Variants in HAP1 observed in about 807,000 individuals in gnomAD.
The protein encoded by HAP1 is huntingtin-associated protein 1.
In HAP1, 59 loss-of-function variants were observed where a neutral mutation model predicts 60.3. The observed-to-expected ratio is 0.98, with a 90% CI of 0.79 to 1.22. The LOEUF (loss-of-function observed/expected upper bound fraction) is 1.22. HAP1 is among the 50% of genes most tolerant of loss of function. HAP1 has a pLI of 0.00. For synonymous variants in HAP1, 346 were observed against 330.6 expected, an observed-to-expected ratio of 1.05 and a Z score of -0.50; for missense variants, 825 against 785.3, an observed-to-expected ratio of 1.05 and a Z score of -0.60.
rs782324469 is a variant in HAP1 at position 41,731,577 on chromosome 17, G to A, written c.1003-18C>T. 270 of 1,608,060 alleles carry A rather than the reference G, an allele frequency of 1.7e-4. No individual in the cohort carries two copies. Among genetic ancestry groups the A allele is most frequent in the Middle Eastern group, 8.2e-4 (5 of 6,072 alleles). On this transcript the variant is annotated intron_variant, in intron 5 of 10. Transcript: ENST00000347901. ...TGAGAGGCCTGGAGGGAGACAAAGA[G>A]GAAGGGACAGGGAAGTCAACACCCC... is the stretch of plus-strand genomic sequence containing the variant.
At chr17:41,719,855 A>C (rs183986715), downstream of HAP1, among the ~76,000 whole-genome samples, 59 of 152,088 alleles carry the variant, frequency 3.9e-4, no homozygotes, top group East Asian at 0.011. Flanking sequence ...AAACCAAAAA[A>C]ATAATAAAAA....
In HAP1 at chr17:41,734,611, C is replaced by G. The variant is rs912345753; in HGVS notation, c.24G>C (p.Arg8=). Residue 8 remains arginine (R), a synonymous_variant, in exon 1 of 11, where the codon CGG becomes CGC. Coordinates refer to ENST00000347901, the MANE Select transcript of HAP1 (RefSeq NM_177977.3). Reference sequence around the variant, plus strand: ...GTCCGAGCCGGCTCCCCGCGCAGCACCGGCCCAACCTCTTCGGGCGCATCT... The same window carrying G: ...GTCCGAGCCGGCTCCCCGCGCAGCAGCGGCCCAACCTCTTCGGGCGCATCT... MRPKRLG[R]CCAGSRLGPG... is the part of the protein sequence containing the mutation. 2 of 1,553,706 alleles carry G rather than the reference C, an allele frequency of 1.3e-6. No individual in the cohort carries two copies. The highest frequency in any genetic ancestry group is 1.4e-5 in the African/African-American group (1 of 73,832).
Position 41,734,209 on chromosome 17 carries a change from C to T in HAP1, c.426G>A (p.Val142=), listed in dbSNP as rs1912502873. The change falls in exon 1 of 11, where the codon GTG becomes GTA. Residue 142 remains valine, a synonymous_variant. Coordinates refer to ENST00000347901, the MANE Select transcript of HAP1 (RefSeq NM_177977.3). Reference sequence around the variant, plus strand: ...TAAAGGCGGCGCGCTCAGGGCCGGACACCCCGGGTCGCCGGCCAACGTAGG... The same window carrying T: ...TAAAGGCGGCGCGCTCAGGGCCGGATACCCCGGGTCGCCGGCCAACGTAGG... ...PAAYVGRRPG[V]SGPERAAFIR... 1 of 1,597,606 alleles carries T rather than the reference C, an allele frequency of 6.3e-7. No homozygotes were observed. The highest frequency in any genetic ancestry group is 8.6e-7 in the Non-Finnish European group (1 of 1,168,222).
intron 9 of HAP1, 71 bp from the exon 10 acceptor site, chr17:41,725,968 G>T: frequency 8.5e-7 from 1 of 1,172,646 alleles, no homozygotes; most frequent in Non-Finnish European, 1.3e-6. Flanking sequence ...GCTTGGTCAA[G>T]CTGAAGAACC....
chr17:41,728,417 C>A, intron 6 of HAP1, 86 bp from the exon 7 acceptor site: 6 of 1,294,422 alleles, frequency 4.6e-6, no homozygotes, highest in South Asian at 1.3e-5. Context: ...CTGTCTCCCC[C>A]ACCCTCGGCT....
At position 41,730,109 on chromosome 17, in the gene HAP1, A is replaced by AAAG. The variant is rs59618565; in HGVS notation, c.1069+1383_1069+1384insCTT. ...AAAAGAAAAGAAAAGAAAAGAAAAGAAAAGAAAGAAAGAAAGAAAAAATGA... is the reference window on the plus strand; with the variant it reads ...AAAAGAAAAGAAAAGAAAAGAAAAGAAAGAAAGAAAGAAAGAAAGAAAAAATGA... On this transcript the variant is annotated intron_variant, in intron 6 of 10. Coordinates refer to ENST00000347901, the MANE Select transcript of HAP1 (RefSeq NM_177977.3). 3 of 5,532 alleles carry AAAG rather than the reference A, an allele frequency of 5.4e-4. 1 individual carries two copies. Among genetic ancestry groups the AAAG allele is most frequent in the Non-Finnish European group, 5.6e-4 (1 of 1,774 alleles). 0.3% of individuals were successfully genotyped at this position (5,532 alleles called of 1,614,324 possible). A position where few individuals can be genotyped will look rare whatever the true frequency, so the allele number is the denominator to read the frequency against.
At chr17:41,734,093 C>A in intron 1 of HAP1, 73 bp downstream of exon 1, 4 of 1,273,934 alleles carry the variant, frequency 3.1e-6, no homozygotes, top group Non-Finnish European at 4.3e-6. Context: ...GGTGCCTGGA[C>A]CCGATGGGGC....
intron 9 of HAP1, among the ~76,000 whole-genome samples, chr17:41,726,571 A>AAAT (rs1911646386): frequency 6.6e-6 from 1 of 151,394 alleles, no homozygotes; most frequent in African/African-American, 2.4e-5. Flanking sequence ...AAAAAAAAAA[A>AAAT]AAAACCTCAG....
intron 7 of HAP1, 29 bp from the exon 8 acceptor site, chr17:41,727,865 C>G (rs782652620): frequency 1.4e-6 from 2 of 1,381,332 alleles, no homozygotes; most frequent in Non-Finnish European, 2.1e-6. Context: ...AGTGAACCCC[C>G]ATCTGAGGCC....
rs781925578 is a variant in HAP1, at chr17:41,728,248, C to A, written c.1153G>T (p.Ala385Ser). ...TTCAGCACCTGGGCCTGCAGCCGAG[C>A]GACCTCCTGCTGCTGCCGTTCATAG... Reference protein sequence around the residue: ...ENYERQQQEVARLQAQVLKLQ... With the variant: ...ENYERQQQEVSRLQAQVLKLQ... Residue 385 changes from alanine (A) to serine (S), a missense_variant, in exon 7 of 11, where the codon GCT (alanine) becomes TCT (serine). Transcript: ENST00000347901. 5 of 1,613,304 alleles carry A rather than the reference C, an allele frequency of 3.1e-6. No homozygotes were observed. Among genetic ancestry groups the A allele is most frequent in the Admixed American group, 1.7e-5 (1 of 60,024 alleles).
downstream of HAP1, chr17:41,718,357 G>C (rs1555586375): frequency 5.6e-6 from 1 of 178,270 alleles, no homozygotes; most frequent in Non-Finnish European, 1.2e-5. Flanking sequence ...ACAGCTTTCT[G>C]CCCGTGGGAG....
intron 1 of HAP1, 60 bp from the exon 2 acceptor site, chr17:41,732,858 G>C (rs1912334396): frequency 1.1e-6 from 1 of 943,724 alleles, no homozygotes; most frequent in African/African-American, 1.6e-5. Flanking sequence ...AGGAGCAGAT[G>C]CTACCAGCAA....
rs1555589070 is a variant in HAP1, at chr17:41,727,141, T to C, written c.1279A>G (p.Thr427Ala). ...EIQMQLQEEE[T>A]LPGFQETLAE... ...AGCGTCTCCTGGAAACCAGGAAGAG[T>C]CTCCTATGGTGGAGAGAACAGACGT... Residue 427 changes from threonine (T) to alanine (A), a missense_variant, in exon 9 of 11, where the codon ACT becomes GCT. Physicochemically the swap from Thr to Ala is moderately conservative, Grantham distance 58. Transcript: ENST00000347901. 3 of 1,555,470 alleles carry C rather than the reference T, an allele frequency of 1.9e-6. No individual in the cohort carries two copies.
downstream of HAP1, chr17:41,718,023 G>C (rs781787674): frequency 4.9e-5 from 23 of 468,660 alleles, no homozygotes; most frequent in Non-Finnish European, 9.3e-5. Context: ...CCTCGGCTGG[G>C]GCTCTGTTAT....
chr17:41,730,240 G>C (rs922008711), intron 6 of HAP1: 1 of 151,262 alleles, frequency 6.6e-6, no homozygotes, highest in African/African-American at 2.4e-5. Context: ...TTTCTGACCT[G>C]AGCCAGTTCA....
downstream of HAP1, chr17:41,717,868 T>C (rs1044560927): frequency 1.3e-5 from 5 of 398,266 alleles, no homozygotes; most frequent in Admixed American, 2.5e-5. Context: ...TTGTAAATAA[T>C]TGCTCATGAG....
chr17:41,728,193 C>T lies in HAP1; in HGVS notation c.1200+8G>A, dbSNP rs781807300. On this transcript the variant is annotated splice_region_variant and intron_variant, in intron 7 of 10. Coordinates refer to ENST00000347901, the MANE Select transcript of HAP1 (RefSeq NM_177977.3). ...ACGACAAGAGGGTTCCACACACACCCGACTCACCATCCGGCAGCGCTGCTG... is the reference window on the plus strand; with the variant it reads ...ACGACAAGAGGGTTCCACACACACCTGACTCACCATCCGGCAGCGCTGCTG... 8.7e-6 allele frequency: 14 copies of T among 1,609,182 alleles called. No homozygotes were observed. The highest frequency in any genetic ancestry group is 1.6e-4 in the Middle Eastern group (1 of 6,084).
At chr17:41,726,623 G>C (rs1911652752) in intron 9 of HAP1, among the ~76,000 whole-genome samples, 2 of 151,884 alleles carry the variant, frequency 1.3e-5, no homozygotes, top group African/African-American at 4.8e-5. Context: ...AGCACTTTGG[G>C]AGGCTGAGGC....
In HAP1 at chr17:41,732,718, C is replaced by A. The variant is rs781875367; in HGVS notation, c.549+1G>T. Reference sequence around the variant, plus strand: ...GCCTGGATCAGGAAGGCAGTACACACCTCCTCCAGCAAATATAACATCACT... The same window carrying A: ...GCCTGGATCAGGAAGGCAGTACACAACTCCTCCAGCAAATATAACATCACT... On this transcript the variant is annotated splice_donor_variant, in intron 2 of 10. Transcript: ENST00000347901. LOFTEE classifies it high-confidence loss of function. 1.9e-6 allele frequency: 3 copies of A among 1,607,618 alleles called. No homozygotes were observed. In the African/African-American group the frequency reaches 4.0e-5, roughly 21 times the overall value.
Sources: allele counts gnomAD v4.1 joint callset (sites outside exome capture counted in the v4.1 genomes callset), GRCh38; gene constraint gnomAD v4.1.1; transcripts MANE v1.5; gene names NCBI Gene and HGNC (gene_info 2026-07-23, HGNC 2026-07-21).